Variants in KHDRBS3 observed in about 807,000 individuals in gnomAD.
KHDRBS3 encodes KH RNA binding domain containing, signal transduction associated 3.
KHDRBS3 carries 23 observed loss-of-function variants against 45.6 expected under a neutral mutation model. The ratio of observed to expected loss-of-function variants is 0.50; its 90% CI spans 0.36 to 0.72. The LOEUF is 0.72. Ranked by LOEUF, KHDRBS3 falls within the 30% of genes least tolerant of loss-of-function variation. KHDRBS3 has a pLI of 0.00. For missense variants in KHDRBS3, 352 were observed against 424.8 expected (o/e 0.83, Z 1.51); for synonymous variants, 162 against 156.5 (o/e 1.04, Z -0.26).
At chr8:135,641,432 T>A (rs781454960) in intron 7 of KHDRBS3, among the ~76,000 whole-genome samples, 8 of 152,234 alleles carry the variant, frequency 5.3e-5, no homozygotes, top group Admixed American at 1.3e-4. Flanking sequence ...GATAAAATTC[T>A]CAAGAACATC....
intron 3 of KHDRBS3, among the ~76,000 whole-genome samples, chr8:135,546,555 A>C (rs1265120533): frequency 6.6e-6 from 1 of 152,204 alleles, no homozygotes; most frequent in Non-Finnish European, 1.5e-5. Flanking sequence ...ACAATAATAG[A>C]ATAAATGATA....
chr8:135,472,087 T>C (rs929946193), intron 1 of KHDRBS3, among the ~76,000 whole-genome samples: 2 of 152,216 alleles, frequency 1.3e-5, no homozygotes, highest in African/African-American at 4.8e-5. Flanking sequence ...TCTTTCAGAA[T>C]GCAAGTGAAA....
chr8:135,641,210 C>A (rs1393551603), intron 7 of KHDRBS3, among the ~76,000 whole-genome samples: 1 of 152,202 alleles, frequency 6.6e-6, no homozygotes, highest in East Asian at 1.9e-4. Flanking sequence ...TAGCACCTCA[C>A]AGTAAATTTC....
chr8:135,580,395 G>A (rs571431817), intron 5 of KHDRBS3, among the ~76,000 whole-genome samples: 15 of 152,184 alleles, frequency 9.9e-5, no homozygotes, highest in African/African-American at 3.6e-4. Flanking sequence ...TTTTTTGGAA[G>A]ATCATTAACT....
chr8:135,627,969 A>G (rs1275636559), intron 7 of KHDRBS3, among the ~76,000 whole-genome samples: 4 of 152,220 alleles, frequency 2.6e-5, no homozygotes, highest in Admixed American at 2.6e-4. Flanking sequence ...GATTCCATGT[A>G]TTCTAGCCAT....
chr8:135,592,953 C>T (rs1375453142), intron 6 of KHDRBS3, among the ~76,000 whole-genome samples: 4 of 152,050 alleles, frequency 2.6e-5, no homozygotes, highest in African/African-American at 9.7e-5. Flanking sequence ...AATCCCAGCA[C>T]TTTGGGAGGC....
chr8:135,556,276 G>A (rs1826882376), intron 4 of KHDRBS3, among the ~76,000 whole-genome samples: 1 of 152,130 alleles, frequency 6.6e-6, no homozygotes, highest in Non-Finnish European at 1.5e-5. Flanking sequence ...GGGTCAAATG[G>A]TATTTCTAGT....
rs1824905543 is a variant in KHDRBS3, at chr8:135,521,450, TTTCTC to T, written c.207+98_207+102del. The T allele has an allele frequency of 9.9e-6, 7 of 708,604 alleles. No homozygotes were observed. In the East Asian group the frequency reaches 1.8e-4, roughly 19 times the overall value. 43.9% of individuals were successfully genotyped at this position (708,604 alleles called of 1,614,324 possible). On this transcript the variant is annotated intron_variant, in intron 2 of 8. Transcript: ENST00000355849. ...TTCTGTTTGGTGTTTTTAGAGATGT[TTTCTC>T]TTAGCATCCCCCTACACACACTTTT...
At chr8:135,609,125 T>C (rs1829598349) in intron 7 of KHDRBS3, among the ~76,000 whole-genome samples, 1 of 152,204 alleles carries the variant, frequency 6.6e-6, no homozygotes, top group Non-Finnish European at 1.5e-5. Context: ...CTTTCTTCAA[T>C]AGTAAATTAA....
intron 6 of KHDRBS3, among the ~76,000 whole-genome samples, chr8:135,603,582 A>G (rs1389677689): frequency 6.6e-6 from 1 of 152,172 alleles, no homozygotes; most frequent in Non-Finnish European, 1.5e-5. Flanking sequence ...TTTAATGACT[A>G]TCATTTTATA....
intron 1 of KHDRBS3, among the ~76,000 whole-genome samples, chr8:135,488,387 C>T (rs1022560832): frequency 3.3e-5 from 5 of 152,056 alleles, no homozygotes; most frequent in African/African-American, 1.2e-4. Flanking sequence ...ATTTCATTTA[C>T]TGGGATGTTA....
At chr8:135,565,342 A>T (rs1827363050) in intron 5 of KHDRBS3, among the ~76,000 whole-genome samples, 1 of 152,220 alleles carries the variant, frequency 6.6e-6, no homozygotes, top group African/African-American at 2.4e-5. Context: ...ATCCCTGGTT[A>T]TACTTTTACA....
intron 1 of KHDRBS3, among the ~76,000 whole-genome samples, chr8:135,500,555 G>A (rs1823687583): frequency 6.6e-6 from 1 of 152,168 alleles, no homozygotes; most frequent in Non-Finnish European, 1.5e-5. Context: ...ATGGGCCTTG[G>A]CTGGGCTGGG....
intron 7 of KHDRBS3, among the ~76,000 whole-genome samples, chr8:135,630,659 G>A (rs1262249007): frequency 6.6e-6 from 1 of 152,108 alleles, no homozygotes; most frequent in African/African-American, 2.4e-5. Flanking sequence ...CATGCTTCTA[G>A]GCTACAGACC....
intron 2 of KHDRBS3, among the ~76,000 whole-genome samples, chr8:135,527,422 G>T (rs1053717252): frequency 1.3e-5 from 2 of 152,254 alleles, no homozygotes; most frequent in African/African-American, 4.8e-5. Flanking sequence ...TTGAAGCACA[G>T]AAGGCATTTG....
chr8:135,564,541 A>G (rs1218395958), intron 5 of KHDRBS3, among the ~76,000 whole-genome samples: 2 of 152,202 alleles, frequency 1.3e-5, no homozygotes, highest in African/African-American at 2.4e-5. Context: ...ATATCATGAA[A>G]AAATTACTGA....
chr8:135,509,215 T>A (rs1824154873), intron 1 of KHDRBS3, among the ~76,000 whole-genome samples: 1 of 152,248 alleles, frequency 6.6e-6, no homozygotes, highest in East Asian at 1.9e-4. Context: ...GAAACTTAAT[T>A]TGTTTCATTG....
intron 6 of KHDRBS3, 122 bp from the exon 7 acceptor site, chr8:135,606,833 C>A: frequency 1.6e-6 from 1 of 634,826 alleles, no homozygotes; most frequent in Non-Finnish European, 2.7e-6. Flanking sequence ...TTTTTCTTTA[C>A]ACTATAAGTA....
chr8:135,568,314 G>A (rs1424435674), intron 5 of KHDRBS3, among the ~76,000 whole-genome samples: 1 of 152,036 alleles, frequency 6.6e-6, no homozygotes, highest in Admixed American at 6.6e-5. Flanking sequence ...GTAACTCACT[G>A]GTTTTCAATA....
Sources: gnomAD v4.1 joint callset for allele counts (sites outside exome capture counted in the v4.1 genomes callset) on GRCh38, gnomAD v4.1.1 for gene constraint, MANE v1.5 for transcripts, NCBI Gene and HGNC (gene_info 2026-07-23, HGNC 2026-07-21) for gene names.